The following HIP1 variants were observed in gnomAD, a reference collection of about 807,000 sequenced individuals.
HIP1 encodes huntingtin-interacting protein 1.
HIP1 carries 65 observed loss-of-function variants against 147.6 expected under a neutral mutation model. The ratio of observed to expected loss-of-function variants is 0.44; its 90% CI spans 0.36 to 0.54. The LOEUF (loss-of-function observed/expected upper bound fraction) is 0.54, where lower values mean the gene tolerates loss of function less well. HIP1 is among the 20% of genes least tolerant of loss of function. HIP1 has a pLI of 0.00. For synonymous variants in HIP1, 479 were observed against 504.0 expected (o/e 0.95, Z 0.67); for missense variants, 1,061 against 1,299.6 (o/e 0.82, Z 2.82).
intron 9 of HIP1, among the ~76,000 whole-genome samples, chr7:75,565,966 G>A (rs781953735): frequency 2.6e-5 from 4 of 150,956 alleles, no homozygotes; most frequent in African/African-American, 4.9e-5. Flanking sequence ...CACTTGCTTC[G>A]GCCTCCCAAA....
At chr7:75,685,425 A>G (rs1224937330) in intron 1 of HIP1, among the ~76,000 whole-genome samples, 1 of 152,334 alleles carries the variant, frequency 6.6e-6, no homozygotes, top group East Asian at 1.9e-4. Flanking sequence ...TGTGCTCCCT[A>G]CGGTTCACAT....
intron 1 of HIP1, among the ~76,000 whole-genome samples, chr7:75,616,843 G>A (rs1255834832): frequency 6.6e-6 from 1 of 152,142 alleles, no homozygotes; most frequent in Non-Finnish European, 1.5e-5. Flanking sequence ...TTACCAGGGA[G>A]GTATATGTCA....
At chr7:75,564,476 T>C (rs1584803603) in intron 9 of HIP1, among the ~76,000 whole-genome samples, 3 of 152,126 alleles carry the variant, frequency 2.0e-5, no homozygotes, top group Admixed American at 6.6e-5. Flanking sequence ...GTATCTTTAG[T>C]AGAGATGGGG....
intron 1 of HIP1, among the ~76,000 whole-genome samples, chr7:75,725,901 C>T (rs1801635508): frequency 6.7e-6 from 1 of 149,662 alleles, no homozygotes; most frequent in South Asian, 2.1e-4. Flanking sequence ...CGGCTCACTG[C>T]GTCTCCATCT....
At chr7:75,672,713 A>G (rs1183577938) in intron 1 of HIP1, among the ~76,000 whole-genome samples, 2 of 152,196 alleles carry the variant, frequency 1.3e-5, no homozygotes, top group East Asian at 1.9e-4. Flanking sequence ...TGGTTGTTCA[A>G]GCTTTTGATG....
At chr7:75,680,020 G>C (rs1800011993) in intron 1 of HIP1, among the ~76,000 whole-genome samples, 1 of 152,144 alleles carries the variant, frequency 6.6e-6, no homozygotes, top group Non-Finnish European at 1.5e-5. Flanking sequence ...TCCTCAAAAT[G>C]CCAGCTTTTA....
chr7:75,559,623 A>G (rs1795146139), intron 14 of HIP1, 109 bp downstream of exon 14: 1 of 889,064 alleles, frequency 1.1e-6, no homozygotes. Flanking sequence ...TTCTAGAAAG[A>G]CAGTCTGGGT....
chr7:75,629,417 G>A (rs1372545492), intron 1 of HIP1, among the ~76,000 whole-genome samples: 1 of 152,124 alleles, frequency 6.6e-6, no homozygotes, highest in Admixed American at 6.6e-5. Context: ...ATTCCCCAGG[G>A]TTGTATGTTC....
intron 1 of HIP1, among the ~76,000 whole-genome samples, chr7:75,687,950 C>T (rs1342375439): frequency 6.6e-6 from 1 of 152,104 alleles, no homozygotes; most frequent in Non-Finnish European, 1.5e-5. Context: ...GATTTTCTCT[C>T]TTGAGTCCTG....
chr7:75,555,522 T>C lies in HIP1; in HGVS notation c.1857A>G (p.Gln619=), dbSNP rs782716147. The C allele has an allele frequency of 5.0e-6, 8 of 1,614,200 alleles. No homozygotes were observed. The highest frequency in any genetic ancestry group is 4.4e-5 in the South Asian group (4 of 91,084). Residue 619 remains glutamine, a synonymous_variant, in exon 19 of 31, where the codon CAA becomes CAG. Transcript: ENST00000336926. ...EESMCQLAKD[Q]RKMLLVGSRK... is the part of the protein sequence containing the mutation. ...TGGACCCCACCAGAAGCATTTTTCG[T>C]TGGTCTTTGGCAAGCTGGCACATAG...
At chr7:75,675,747 G>A (rs557568128) in intron 1 of HIP1, among the ~76,000 whole-genome samples, 1 of 152,136 alleles carries the variant, frequency 6.6e-6, no homozygotes, top group African/African-American at 2.4e-5. Flanking sequence ...GGGAGGTCAC[G>A]GCAGGAGAAT....
intron 1 of HIP1, among the ~76,000 whole-genome samples, chr7:75,666,191 T>C (rs1421456572): frequency 6.6e-6 from 1 of 151,628 alleles, no homozygotes; most frequent in Admixed American, 6.6e-5. Context: ...TTTTTTGAGA[T>C]GGAGTCTCCC....
intron 1 of HIP1, among the ~76,000 whole-genome samples, chr7:75,673,509 A>G (rs968379750): frequency 2.0e-5 from 3 of 152,176 alleles, no homozygotes; most frequent in African/African-American, 7.2e-5. Flanking sequence ...ACCCAAGAAC[A>G]TAAAATGTCT....
intron 16 of HIP1, among the ~76,000 whole-genome samples, chr7:75,557,351 C>CA (rs200736039): frequency 0.032 from 4,789 of 151,398 alleles, 248 homozygotes; most frequent in African/African-American, 0.11. Flanking sequence ...AACAAACAAA[C>CA]AAAAAAAAAC....
intron 19 of HIP1, 44 bp from the exon 20 acceptor site, chr7:75,554,570 G>A (rs1794919148): frequency 6.9e-7 from 1 of 1,450,936 alleles, no homozygotes; most frequent in South Asian, 1.1e-5. Flanking sequence ...AGTTCTCATA[G>A]CTGGCTTCAT....
At chr7:75,636,561 CTT>C (rs1798435464) in intron 1 of HIP1, among the ~76,000 whole-genome samples, 1 of 152,178 alleles carries the variant, frequency 6.6e-6, no homozygotes, top group Non-Finnish European at 1.5e-5. Context: ...ACAGAAAGTA[CTT>C]TTGGCCTCTT....
intron 1 of HIP1, among the ~76,000 whole-genome samples, chr7:75,632,770 G>A (rs113748652): frequency 0.041 from 6,241 of 152,118 alleles, 162 homozygotes; most frequent in Middle Eastern, 0.082. Context: ...GCAACTGACC[G>A]TAGTAAAAAA....
intron 1 of HIP1, among the ~76,000 whole-genome samples, chr7:75,661,665 C>T (rs1554513616): frequency 2.0e-5 from 3 of 151,346 alleles, no homozygotes; most frequent in South Asian, 2.1e-4. Flanking sequence ...CCAGTCCTGC[C>T]GAGATCCCCA....
At chr7:75,573,625 G>T in intron 8 of HIP1, 136 bp downstream of exon 8, 1 of 851,428 alleles carries the variant, frequency 1.2e-6, no homozygotes, top group Non-Finnish European at 1.8e-6. Context: ...ATGGTCAGAA[G>T]CTCCGGGGCC....
Sources: allele counts gnomAD v4.1 joint callset (sites outside exome capture counted in the v4.1 genomes callset), GRCh38; gene constraint gnomAD v4.1.1; transcripts MANE v1.5; gene names NCBI Gene and HGNC (gene_info 2026-07-23, HGNC 2026-07-21).